Variants in TMTC2 observed in about 807,000 individuals in gnomAD.
The protein encoded by TMTC2 is transmembrane O-mannosyltransferase targeting cadherins 2, also known as protein O-mannosyl-transferase TMTC2.
TMTC2 carries 43 observed loss-of-function variants against 82.4 expected under a neutral mutation model. That is an observed-to-expected ratio of 0.52 (90% CI 0.41 to 0.67). The LOEUF is 0.67. Among genes scored for constraint, TMTC2 ranks in the 30% least tolerant of loss-of-function variants. The pLI is 0.00. For synonymous variants in TMTC2, 408 were observed against 381.9 expected (o/e 1.07, Z -0.80); for missense variants, 919 against 1,012.4 (o/e 0.91, Z 1.25).
intron 11 of TMTC2, among the ~76,000 whole-genome samples, chr12:83,071,449 G>T (rs959270406): frequency 1.3e-5 from 2 of 152,120 alleles, no homozygotes; most frequent in African/African-American, 4.8e-5. Context: ...GAGCCACTGT[G>T]CCTGGCCTGG....
At chr12:82,860,841 C>G (rs1469568979) in intron 2 of TMTC2, among the ~76,000 whole-genome samples, 3 of 152,194 alleles carry the variant, frequency 2.0e-5, no homozygotes, top group Non-Finnish European at 2.9e-5. Context: ...CACAAACTTT[C>G]ATTTAAAATC....
At chr12:83,030,979 G>T in intron 9 of TMTC2, 100 bp downstream of exon 9, 2 of 862,844 alleles carry the variant, frequency 2.3e-6, no homozygotes, top group Non-Finnish European at 3.8e-6. Flanking sequence ...AAGAGGAGAT[G>T]GACTTTGTTA....
chr12:83,048,892 C>T (rs1882241533), intron 9 of TMTC2, among the ~76,000 whole-genome samples: 1 of 152,332 alleles, frequency 6.6e-6, no homozygotes, highest in East Asian at 1.9e-4. Flanking sequence ...TGGTCTCGAA[C>T]TCCAGACCTC....
intron 1 of TMTC2, among the ~76,000 whole-genome samples, chr12:82,833,844 C>T (rs900321744): frequency 6.6e-6 from 1 of 152,146 alleles, no homozygotes; most frequent in Non-Finnish European, 1.5e-5. Context: ...TTTCCATGGT[C>T]TTCTCTTAAA....
At chr12:82,723,885 A>G (rs1874321285) in intron 1 of TMTC2, among the ~76,000 whole-genome samples, 1 of 152,184 alleles carries the variant, frequency 6.6e-6, no homozygotes, top group East Asian at 1.9e-4. Flanking sequence ...CTTTCTAGCT[A>G]AAGAACCACC....
chr12:82,997,410 GTGTATA>G (rs1879706649), intron 8 of TMTC2, among the ~76,000 whole-genome samples: 1 of 28,250 alleles, frequency 3.5e-5, no homozygotes, highest in Non-Finnish European at 7.9e-5. Context: ...ATATATATAT[GTGTATA>G]TATATATATA....
intron 11 of TMTC2, among the ~76,000 whole-genome samples, chr12:83,085,482 G>C (rs774084418): frequency 6.6e-6 from 1 of 152,106 alleles, no homozygotes; most frequent in Non-Finnish European, 1.5e-5. Context: ...TATAAAATGG[G>C]GAAATAGTGG....
At chr12:82,998,741 T>C (rs1879785267) in intron 8 of TMTC2, among the ~76,000 whole-genome samples, 1 of 152,178 alleles carries the variant, frequency 6.6e-6, no homozygotes, top group African/African-American at 2.4e-5. Context: ...GTTTGAGTCA[T>C]AATCTTTTTT....
At chr12:82,841,408 C>T (rs190327717) in intron 1 of TMTC2, among the ~76,000 whole-genome samples, 4 of 152,248 alleles carry the variant, frequency 2.6e-5, no homozygotes, top group Admixed American at 6.5e-5. Flanking sequence ...TATCTCTTGC[C>T]TTCCATGACA....
intron 1 of TMTC2, among the ~76,000 whole-genome samples, chr12:82,690,795 T>G (rs1872538423): frequency 1.3e-5 from 2 of 152,258 alleles, no homozygotes; most frequent in Admixed American, 6.5e-5. Flanking sequence ...AAATTTTAAG[T>G]TATGTTGTAT....
At chr12:82,921,399 T>C (rs1875387245) in intron 3 of TMTC2, among the ~76,000 whole-genome samples, 1 of 152,192 alleles carries the variant, frequency 6.6e-6, no homozygotes, top group Admixed American at 6.5e-5. Context: ...TTAGTTTAAA[T>C]GAATTGAGGA....
chr12:82,755,765 G>C (rs561199244), intron 1 of TMTC2, among the ~76,000 whole-genome samples: 18 of 152,238 alleles, frequency 1.2e-4, no homozygotes, highest in Admixed American at 5.9e-4. Flanking sequence ...ACACACCCTT[G>C]TAAGTTTAGT....
intron 1 of TMTC2, among the ~76,000 whole-genome samples, chr12:82,836,211 G>T (rs192473068): frequency 2.0e-5 from 3 of 152,314 alleles, no homozygotes; most frequent in Admixed American, 2.0e-4. Context: ...GCTTGGTTAA[G>T]CCTAGCTAAG....
At chr12:82,840,506 G>A (rs571603294) in intron 1 of TMTC2, among the ~76,000 whole-genome samples, 2 of 152,104 alleles carry the variant, frequency 1.3e-5, no homozygotes, top group African/African-American at 2.4e-5. Flanking sequence ...TAATTAGCAC[G>A]GTTACTTGTA....
intron 1 of TMTC2, among the ~76,000 whole-genome samples, chr12:82,827,279 C>T (rs1310678069): frequency 6.6e-6 from 1 of 152,242 alleles, no homozygotes; most frequent in East Asian, 1.9e-4. Context: ...TTCCCTCTCT[C>T]ATGTAAGTGG....
chr12:82,987,702 A>G (rs1433338164), intron 8 of TMTC2, among the ~76,000 whole-genome samples: 2 of 152,094 alleles, frequency 1.3e-5, no homozygotes, highest in Non-Finnish European at 2.9e-5. Context: ...GTTTGTTTTC[A>G]TTATTTCTAG....
intron 8 of TMTC2, among the ~76,000 whole-genome samples, chr12:83,003,127 A>C (rs1880002123): frequency 6.6e-6 from 1 of 152,162 alleles, no homozygotes; most frequent in Non-Finnish European, 1.5e-5. Context: ...TATTTAGGAT[A>C]GTTAAGTCTT....
intron 8 of TMTC2, among the ~76,000 whole-genome samples, chr12:83,002,670 C>T (rs1207847419): frequency 6.6e-6 from 1 of 152,066 alleles, no homozygotes; most frequent in Non-Finnish European, 1.5e-5. Context: ...AAAAGTCATT[C>T]AGAAACAAGT....
chr12:83,061,843 C>G lies in TMTC2; in HGVS notation c.2331+12C>G, dbSNP rs1882754781. The stretch of plus-strand genomic sequence containing the variant: ...GGCTGAGGCCTAATGTAAGTACTTC[C>G]CTAATGAGAAACATTTTCAGAGGGA... On this transcript the variant is annotated intron_variant, in intron 11 of 11. Coordinates refer to ENST00000321196, the MANE Select transcript of TMTC2 (RefSeq NM_152588.3). 1 of 1,569,322 alleles carries G rather than the reference C, an allele frequency of 6.4e-7. No individual in the cohort carries two copies. The highest frequency in any genetic ancestry group is 2.3e-5 in the East Asian group (1 of 43,660).
Sources: allele counts gnomAD v4.1 joint callset (sites outside exome capture counted in the v4.1 genomes callset), GRCh38; gene constraint gnomAD v4.1.1; transcripts MANE v1.5; gene names NCBI Gene and HGNC (gene_info 2026-07-23, HGNC 2026-07-21).